FOXP1: variants seen among roughly 807,000 people sequenced by gnomAD.
The protein encoded by FOXP1 is forkhead box P1, also known as forkhead box protein P1.
In FOXP1, 15 loss-of-function variants were observed where a neutral mutation model predicts 98.2. That is an observed-to-expected ratio of 0.15 (90% CI 0.10 to 0.24). The LOEUF (loss-of-function observed/expected upper bound fraction) is 0.24. FOXP1 is among the 10% of genes least tolerant of loss of function. FOXP1 has a pLI of 1.00. For missense variants in FOXP1, 633 were observed against 848.5 expected, an observed-to-expected ratio of 0.75 and a Z score of 3.15; for synonymous variants, 371 against 314.5, an observed-to-expected ratio of 1.18 and a Z score of -1.90.
chr3:71,016,210 T>TA (rs2044458794), intron 11 of FOXP1, among the ~76,000 whole-genome samples: 1 of 152,066 alleles, frequency 6.6e-6, no homozygotes, highest in African/African-American at 2.4e-5. Flanking sequence ...GTGTTTTTTT[T>TA]AAAAAAGCTA....
chr3:71,328,155 G>T (rs1363766972), intron 4 of FOXP1, among the ~76,000 whole-genome samples: 1 of 152,158 alleles, frequency 6.6e-6, no homozygotes, highest in Non-Finnish European at 1.5e-5. Context: ...TGGCAAACAG[G>T]CTGGGCACTC....
At chr3:71,048,754 T>C (rs1247698755) in intron 9 of FOXP1, among the ~76,000 whole-genome samples, 1 of 147,106 alleles carries the variant, frequency 6.8e-6, no homozygotes, top group Non-Finnish European at 1.5e-5. Context: ...AAAAACAACA[T>C]TGACACAATA....
intron 6 of FOXP1, among the ~76,000 whole-genome samples, chr3:71,117,804 G>A (rs1467887722): frequency 6.6e-6 from 1 of 152,146 alleles, no homozygotes; most frequent in African/African-American, 2.4e-5. Context: ...CAATTGCCTG[G>A]CACTGGATAA....
intron 2 of FOXP1, among the ~76,000 whole-genome samples, chr3:71,552,718 A>G (rs1217660869): frequency 1.3e-5 from 2 of 152,078 alleles, no homozygotes; most frequent in African/African-American, 2.4e-5. Context: ...TAATAATAAT[A>G]TTGATGGTAT....
chr3:71,293,399 C>T (rs531875867), intron 5 of FOXP1, among the ~76,000 whole-genome samples: 38 of 151,792 alleles, frequency 2.5e-4, no homozygotes, highest in South Asian at 1.5e-3. Flanking sequence ...CCCAGGAGTT[C>T]GGGGCTGCAG....
At chr3:71,453,347 C>T (rs781393744) in intron 3 of FOXP1, among the ~76,000 whole-genome samples, 1 of 152,128 alleles carries the variant, frequency 6.6e-6, no homozygotes, top group Non-Finnish European at 1.5e-5. Flanking sequence ...GTCTACTAGG[C>T]AAAGGAGTAC....
chr3:71,023,462 A>G (rs913660411), intron 11 of FOXP1, among the ~76,000 whole-genome samples: 2 of 152,234 alleles, frequency 1.3e-5, no homozygotes, highest in African/African-American at 4.8e-5. Context: ...ATCTACTAAT[A>G]AAGAGTGTCT....
chr3:71,054,510 C>G (rs972441289), intron 7 of FOXP1, among the ~76,000 whole-genome samples: 1 of 152,198 alleles, frequency 6.6e-6, no homozygotes, highest in Non-Finnish European at 1.5e-5. Context: ...AGGATGATGT[C>G]TTGTTCAGAT....
intron 6 of FOXP1, among the ~76,000 whole-genome samples, chr3:71,128,643 CG>C (rs1559989644): frequency 1.3e-5 from 2 of 152,074 alleles, no homozygotes; most frequent in East Asian, 1.9e-4. Context: ...TTCGACAAAA[CG>C]GTAAGAGTCA....
At chr3:70,984,608 A>T (rs1457936517) in intron 14 of FOXP1, among the ~76,000 whole-genome samples, 1 of 152,182 alleles carries the variant, frequency 6.6e-6, no homozygotes, top group Non-Finnish European at 1.5e-5. Context: ...ATATTTGTTG[A>T]TGGAATAGTT....
intron 5 of FOXP1, among the ~76,000 whole-genome samples, chr3:71,294,895 T>C (rs1340357146): frequency 6.6e-6 from 1 of 152,104 alleles, no homozygotes; most frequent in African/African-American, 2.4e-5. Flanking sequence ...GGCAACAACA[T>C]AGCTTCAACC....
intron 2 of FOXP1, among the ~76,000 whole-genome samples, chr3:71,538,252 C>A (rs570742558): frequency 6.6e-6 from 1 of 152,276 alleles, no homozygotes; most frequent in African/African-American, 2.4e-5. Flanking sequence ...GGTTGTGAAA[C>A]CATCACCACA....
intron 3 of FOXP1, among the ~76,000 whole-genome samples, chr3:71,453,536 G>A (rs770064179): frequency 3.9e-5 from 6 of 152,166 alleles, no homozygotes; most frequent in African/African-American, 7.2e-5. Flanking sequence ...AGCAAACAAT[G>A]TCTGGTACTG....
At chr3:71,131,540 C>T (rs1319497109) in intron 6 of FOXP1, among the ~76,000 whole-genome samples, 1 of 152,054 alleles carries the variant, frequency 6.6e-6, no homozygotes, top group African/African-American at 2.4e-5. Context: ...CATCCAGGTG[C>T]TAATACTCGG....
intron 3 of FOXP1, among the ~76,000 whole-genome samples, chr3:71,472,521 C>T (rs949863634): frequency 1.3e-5 from 2 of 151,912 alleles, no homozygotes; most frequent in Non-Finnish European, 2.9e-5. Flanking sequence ...CTCTGATACA[C>T]GCTATTTCAC....
chr3:71,279,376 T>C (rs2071270349), intron 5 of FOXP1, among the ~76,000 whole-genome samples: 1 of 152,134 alleles, frequency 6.6e-6, no homozygotes, highest in African/African-American at 2.4e-5. Context: ...TTTTCCTCCA[T>C]GAGACACTTG....
At chr3:71,536,569 GTC>G (rs1428122922) in intron 2 of FOXP1, among the ~76,000 whole-genome samples, 2 of 134,008 alleles carry the variant, frequency 1.5e-5, no homozygotes, top group Non-Finnish European at 1.5e-5. Flanking sequence ...TCTAAACCAT[GTC>G]TCTTTTTTTT....
chr3:71,522,906 C>T (rs1360629582), intron 2 of FOXP1, among the ~76,000 whole-genome samples: 1 of 152,282 alleles, frequency 6.6e-6, no homozygotes, highest in South Asian at 2.1e-4. Flanking sequence ...ATAATATTCT[C>T]AGGAGCCGCA....
chr3:71,522,437 A>C (rs566485306), intron 2 of FOXP1, among the ~76,000 whole-genome samples: 1 of 152,304 alleles, frequency 6.6e-6, no homozygotes, highest in South Asian at 2.1e-4. Flanking sequence ...GACAGAAGGA[A>C]AACAGGCTCT....
Sources: allele counts gnomAD v4.1 joint callset (sites outside exome capture counted in the v4.1 genomes callset), GRCh38; gene constraint gnomAD v4.1.1; transcripts MANE v1.5; gene names NCBI Gene and HGNC (gene_info 2026-07-23, HGNC 2026-07-21).